The following ZNF704 variants were observed in gnomAD, a reference collection of about 807,000 sequenced individuals.
The protein encoded by ZNF704 is zinc finger protein 704, also known as glucocorticoid induced gene 1.
In ZNF704, 10 loss-of-function variants were observed where a neutral mutation model predicts 44.7. The ratio of observed to expected loss-of-function variants is 0.22; its 90% CI spans 0.14 to 0.38. The LOEUF is 0.38. Among genes scored for constraint, ZNF704 ranks in the 10% least tolerant of loss-of-function variants. The probability of loss-of-function intolerance (pLI) is 1.00; values close to 1 mark genes in which losing one functional copy is unlikely to be tolerated. For missense variants in ZNF704, 390 were observed against 545.5 expected, an observed-to-expected ratio of 0.71 and a Z score of 2.84; for synonymous variants, 211 against 207.6, an observed-to-expected ratio of 1.02 and a Z score of -0.14.
intron 4 of ZNF704, among the ~76,000 whole-genome samples, chr8:80,685,432 A>T (rs908465188): frequency 6.6e-6 from 1 of 152,168 alleles, no homozygotes; most frequent in South Asian, 2.1e-4. Flanking sequence ...GGCCATGCCT[A>T]TTGAGTGTTC....
chr8:80,731,080 C>T (rs1806573136), intron 2 of ZNF704, among the ~76,000 whole-genome samples: 1 of 152,198 alleles, frequency 6.6e-6, no homozygotes, highest in Admixed American at 6.5e-5. Context: ...ATGTTTGCCA[C>T]CAAATTGACA....
intron 2 of ZNF704, among the ~76,000 whole-genome samples, chr8:80,695,050 T>C (rs1480697065): frequency 1.3e-5 from 2 of 152,226 alleles, no homozygotes; most frequent in African/African-American, 4.8e-5. Context: ...TTTACAGTAT[T>C]CACAGTTTAC....
intron 2 of ZNF704, among the ~76,000 whole-genome samples, chr8:80,798,379 C>G (rs563984450): frequency 2.6e-5 from 4 of 152,216 alleles, no homozygotes; most frequent in African/African-American, 9.6e-5. Flanking sequence ...CCTCAGCCTC[C>G]CAAGTAGCTA....
rs189617758 is a variant in ZNF704 at position 80,702,598 on chromosome 8, T to C, written c.222-9491A>G. On this transcript the variant is annotated intron_variant, in intron 2 of 8. Coordinates refer to ENST00000327835, the MANE Select transcript of ZNF704 (RefSeq NM_001033723.3). ...GGCTGGACTGGGCAATGTGTGAAGG[T>C]TGGAGGGAAAAGATGGGGACAAATT... Among the ~76,000 whole-genome samples, 652 of 151,742 alleles carry C rather than the reference T, an allele frequency of 4.3e-3. 3 individuals are homozygous for C. Among genetic ancestry groups the C allele is most frequent in the African/African-American group, 0.015 (632 of 41,314 alleles).
intron 1 of ZNF704, among the ~76,000 whole-genome samples, chr8:80,828,458 TC>T (rs1032908490): frequency 2.6e-5 from 4 of 152,176 alleles, no homozygotes; most frequent in Non-Finnish European, 4.4e-5. Flanking sequence ...TATCTGGTAA[TC>T]TGGAGCCTCA....
At chr8:80,676,042 G>A (rs776350940) in intron 4 of ZNF704, among the ~76,000 whole-genome samples, 13 of 152,162 alleles carry the variant, frequency 8.5e-5, no homozygotes, top group Non-Finnish European at 1.8e-4. Context: ...AGAAGAAAGT[G>A]TCTTAGGAAG....
Position 80,757,371 on chromosome 8 carries a change from G to A in ZNF704, c.221+64003C>T, listed in dbSNP as rs114878576. Among the ~76,000 whole-genome samples, 505 of 151,942 alleles carry A rather than the reference G, an allele frequency of 3.3e-3. 3 individuals are homozygous for A. The highest frequency in any genetic ancestry group is 0.011 in the African/African-American group (475 of 41,460). On this transcript the variant is annotated intron_variant, in intron 2 of 8. Coordinates refer to ENST00000327835, the MANE Select transcript of ZNF704 (RefSeq NM_001033723.3). ...AAAATTTTAAAAATGGAAGCTTATA[G>A]AATAAGGACGTAAAGAAAATATTTT...
At chr8:80,670,159 T>TTA (rs746312501) in intron 5 of ZNF704, among the ~76,000 whole-genome samples, 9 of 152,178 alleles carry the variant, frequency 5.9e-5, no homozygotes, top group Non-Finnish European at 8.8e-5. Context: ...GTTTTGTACT[T>TTA]TAAAGTCTCT....
At chr8:80,679,601 G>A (rs527638149) in intron 4 of ZNF704, among the ~76,000 whole-genome samples, 2 of 152,204 alleles carry the variant, frequency 1.3e-5, no homozygotes, top group Non-Finnish European at 2.9e-5. Context: ...ATTCACACCA[G>A]TGGAAAGCAC....
chr8:80,731,915 C>T (rs1283452517), intron 2 of ZNF704, among the ~76,000 whole-genome samples: 2 of 152,192 alleles, frequency 1.3e-5, no homozygotes, highest in Non-Finnish European at 2.9e-5. Context: ...GAAACACAAA[C>T]AGTGCTAACA....
intron 2 of ZNF704, among the ~76,000 whole-genome samples, chr8:80,753,998 C>T (rs745738685): frequency 2.0e-4 from 31 of 152,082 alleles, no homozygotes; most frequent in Non-Finnish European, 4.4e-4. Context: ...TTAGTGTGTA[C>T]ACCCTAAGCA....
At chr8:80,833,347 T>G (rs564615930) in intron 1 of ZNF704, among the ~76,000 whole-genome samples, 7 of 151,910 alleles carry the variant, frequency 4.6e-5, no homozygotes, top group African/African-American at 1.4e-4. Flanking sequence ...AGACTCCGTC[T>G]CAAAAAAAAG....
upstream of ZNF704, among the ~76,000 whole-genome samples, chr8:80,877,423 A>AGATCTCAT (rs1395981506): frequency 6.6e-6 from 1 of 152,206 alleles, no homozygotes; most frequent in East Asian, 1.9e-4. Flanking sequence ...AATCAAGAAA[A>AGATCTCAT]GATCTCATGA....
chr8:80,649,309 T>C (rs892193434), intron 7 of ZNF704, among the ~76,000 whole-genome samples: 3 of 152,180 alleles, frequency 2.0e-5, no homozygotes, highest in East Asian at 1.9e-4. Flanking sequence ...AAGTGTCAGA[T>C]AGTGGGTGCA....
At chr8:80,802,199 A>AG (rs2129798048) in intron 2 of ZNF704, among the ~76,000 whole-genome samples, 1 of 150,798 alleles carries the variant, frequency 6.6e-6, no homozygotes, top group East Asian at 1.9e-4. Context: ...CCAACCAAAA[A>AG]AAAAAAAAAA....
chr8:80,676,300 C>T (rs1346703496), intron 4 of ZNF704, among the ~76,000 whole-genome samples: 5 of 152,248 alleles, frequency 3.3e-5, no homozygotes, highest in East Asian at 1.9e-4. Flanking sequence ...TACTAAGGTG[C>T]GTTTCTATGC....
chr8:80,653,921 G>A lies in ZNF704; in HGVS notation c.1032+5664C>T, dbSNP rs1354263494. ...AAAAGAACAAAGCTGGAGGCATCAC[G>A]CTACCTGACTTCAAACTATACTACA... On this transcript the variant is annotated intron_variant, in intron 7 of 8. Transcript: ENST00000327835. Among the ~76,000 whole-genome samples the A allele has an allele frequency of 9.2e-5, 14 of 152,072 alleles. No homozygotes were observed. In the East Asian group the frequency reaches 1.7e-3, roughly 19 times the overall value.
intron 2 of ZNF704, among the ~76,000 whole-genome samples, chr8:80,794,586 T>TAAA (rs1035559219): frequency 1.2e-4 from 19 of 152,338 alleles, no homozygotes; most frequent in African/African-American, 4.1e-4. Context: ...CCAATATGTC[T>TAAA]AACTTATTCT....
chr8:80,641,357 G>A lies in ZNF704; in HGVS notation c.*9C>T. The A allele has an allele frequency of 1.2e-6, 2 of 1,600,260 alleles. No homozygotes were observed. The highest frequency in any genetic ancestry group is 1.7e-4 in the Middle Eastern group (1 of 5,980). On this transcript the variant is annotated 3_prime_UTR_variant, in exon 9 of 9. Transcript: ENST00000327835. ...CTCAGGGCCCTGAGCCCCTCTGCCT[G>A]GGGGTCTCTCAGTCGAGGAACCTCT... is the stretch of plus-strand genomic sequence containing the variant.
Sources: gnomAD v4.1 joint callset for allele counts (sites outside exome capture counted in the v4.1 genomes callset) on GRCh38, gnomAD v4.1.1 for gene constraint, MANE v1.5 for transcripts, NCBI Gene and HGNC (gene_info 2026-07-23, HGNC 2026-07-21) for gene names.